HNF4A: variants seen among roughly 807,000 people sequenced by gnomAD.
The protein encoded by HNF4A is hepatocyte nuclear factor 4-alpha.
HNF4A carries 15 observed loss-of-function variants against 52.4 expected under a neutral mutation model. The ratio of observed to expected loss-of-function variants is 0.29; its 90% confidence interval spans 0.19 to 0.44. HNF4A has a LOEUF of 0.44. Among genes scored for constraint, HNF4A ranks in the 20% least tolerant of loss-of-function variants. The probability of loss-of-function intolerance (pLI) is 1.00; values close to 1 mark genes in which losing one functional copy is unlikely to be tolerated. For synonymous variants in HNF4A, 280 were observed against 264.4 expected, an observed-to-expected ratio of 1.06 and a Z score of -0.57; for missense variants, 479 against 647.2, an observed-to-expected ratio of 0.74 and a Z score of 2.82.
In HNF4A at chr20:44,417,838, G is replaced by A. The variant is rs139309629; in HGVS notation, c.649-587G>A. Among the ~76,000 whole-genome samples, 544 of 151,996 alleles carry A rather than the reference G, an allele frequency of 3.6e-3. 3 individuals carry two copies. Among genetic ancestry groups the A allele is most frequent in the East Asian group, 0.018 (91 of 5,156 alleles). On this transcript the variant is annotated intron_variant, in intron 5 of 9. Coordinates refer to ENST00000316099, the MANE Select transcript of HNF4A (RefSeq NM_000457.6). ...AATAAAATTAGCCAGGCATGGTGGT[G>A]CACGCCTGTAGTCTCAGCTACTCTG...
intron 7 of HNF4A, among the ~76,000 whole-genome samples, chr20:44,421,044 T>A (rs979376463): frequency 6.6e-6 from 1 of 152,174 alleles, no homozygotes; most frequent in Non-Finnish European, 1.5e-5. Context: ...TGGCAGAGGA[T>A]TTTGCTTTTC....
chr20:44,361,411 A>G (rs373985600), intron 1 of HNF4A, among the ~76,000 whole-genome samples: 1 of 152,222 alleles, frequency 6.6e-6, no homozygotes, highest in East Asian at 1.9e-4. Context: ...GTATTCATTA[A>G]TTCATTGTTC....
Position 44,407,491 on chromosome 20 carries a change from C to A in HNF4A, c.385+16C>A. 1 of 1,534,032 alleles carries A rather than the reference C, an allele frequency of 6.5e-7. No individual in the cohort carries two copies. The highest frequency in any genetic ancestry group is 1.2e-5 in the South Asian group (1 of 85,544). On this transcript the variant is annotated intron_variant, in intron 3 of 9. Coordinates refer to ENST00000316099, the MANE Select transcript of HNF4A (RefSeq NM_000457.6). Reference sequence around the variant, plus strand: ...AAGAAGGAAGGTGAGCCTCGGCCCTCCCCGCCCCACCACCACTGCCCCACC... The same window carrying A: ...AAGAAGGAAGGTGAGCCTCGGCCCTACCCGCCCCACCACCACTGCCCCACC...
At chr20:44,381,142 T>A (rs750964869) in intron 1 of HNF4A, among the ~76,000 whole-genome samples, 3 of 152,224 alleles carry the variant, frequency 2.0e-5, no homozygotes, top group Non-Finnish European at 4.4e-5. Context: ...TACTCACTAC[T>A]TAATAAAGCA....
intron 6 of HNF4A, among the ~76,000 whole-genome samples, chr20:44,419,223 C>T (rs1360180604): frequency 6.6e-6 from 1 of 152,220 alleles, no homozygotes; most frequent in Non-Finnish European, 1.5e-5. Flanking sequence ...AGGGACTGTG[C>T]TCACTGCTTT....
intron 5 of HNF4A, among the ~76,000 whole-genome samples, chr20:44,415,668 T>A (rs2063653636): frequency 6.6e-6 from 1 of 152,186 alleles, no homozygotes; most frequent in Non-Finnish European, 1.5e-5. Flanking sequence ...TTCTGAGAAG[T>A]CTCGTCCAGG....
intron 1 of HNF4A, among the ~76,000 whole-genome samples, chr20:44,387,472 C>T (rs1696702602): frequency 6.6e-6 from 1 of 150,772 alleles, no homozygotes; most frequent in South Asian, 2.1e-4. Context: ...GCGTGCATGG[C>T]CTCACAGTGT....
rs771156648 is a variant in HNF4A, at chr20:44,414,642, G to C, written c.628G>C (p.Glu210Gln). 11 of 1,610,624 alleles carry C rather than the reference G, an allele frequency of 6.8e-6. No homozygotes were observed. The highest frequency in any genetic ancestry group is 9.3e-6 in the Non-Finnish European group (11 of 1,178,398). Residue 210 changes from glutamate to glutamine, a missense_variant, in exon 5 of 10, where the codon GAG becomes CAG. By Grantham distance (29) the Glu-to-Gln change is conservative. This residue lies in a region of HNF4A where 389 missense variants were observed against 525.1 expected (regional missense o/e 0.74). Transcript: ENST00000316099. Reference sequence around the variant, plus strand: ...GGCCAAGTACATCCCAGCTTTCTGCGAGCTCCCCCTGGACGACCAGGTGAG... The same window carrying C: ...GGCCAAGTACATCCCAGCTTTCTGCCAGCTCCCCCTGGACGACCAGGTGAG...
At chr20:44,392,165 T>C (rs2063308986) in intron 1 of HNF4A, 4 of 152,174 alleles carry the variant, frequency 2.6e-5, no homozygotes, top group Non-Finnish European at 5.9e-5. Flanking sequence ...ACAATAATAG[T>C]CTTGGTAGCA....
At chr20:44,387,589 C>A (rs1351322525) in intron 1 of HNF4A, among the ~76,000 whole-genome samples, 1 of 144,104 alleles carries the variant, frequency 6.9e-6, no homozygotes, top group East Asian at 2.1e-4. Flanking sequence ...ACCCTTGGCC[C>A]CTGAGTGAAG....
chr20:44,428,981 T>C (rs1018071400), intron 9 of HNF4A, among the ~76,000 whole-genome samples: 2 of 152,228 alleles, frequency 1.3e-5, no homozygotes, highest in Non-Finnish European at 2.9e-5. Flanking sequence ...GATAAGATGA[T>C]ATTTTACTGA....
In HNF4A at chr20:44,423,930, T is replaced by C. The variant is rs2273618; in HGVS notation, c.893-88T>C. 0.59 allele frequency: 757,260 copies of C among 1,280,586 alleles called. 226,860 individuals are homozygous for C. The highest frequency in any genetic ancestry group is 0.69 in the Middle Eastern group (2,961 of 4,298). The allele number at this position is 1,280,586 out of a possible 1,614,324, so 79.3% of individuals were successfully genotyped here. A position where few individuals can be genotyped will look rare whatever the true frequency, so the allele number is the denominator to read the frequency against. ...ACACTGCTGAAGACTCCTTGTGTGA[T>C]ACAAGTCAGGGGACATCTGGGTCTT... is the stretch of plus-strand genomic sequence containing the variant. On this transcript the variant is annotated intron_variant, in intron 7 of 9. Coordinates refer to ENST00000316099, the MANE Select transcript of HNF4A (RefSeq NM_000457.6).
At chr20:44,393,012 C>G (rs1181383249) in intron 1 of HNF4A, among the ~76,000 whole-genome samples, 1 of 152,204 alleles carries the variant, frequency 6.6e-6, no homozygotes, top group African/African-American at 2.4e-5. Context: ...TCAGGACTTC[C>G]AAACACTTCA....
chr20:44,422,148 C>G (rs184760027), intron 7 of HNF4A, among the ~76,000 whole-genome samples: 6 of 152,116 alleles, frequency 3.9e-5, no homozygotes, highest in Non-Finnish European at 7.3e-5. Context: ...CCCAATTTCT[C>G]TCTCTCAAGC....
At chr20:44,359,939 G>A (rs770278818) in intron 1 of HNF4A, among the ~76,000 whole-genome samples, 2 of 152,144 alleles carry the variant, frequency 1.3e-5, no homozygotes, top group Non-Finnish European at 2.9e-5. Context: ...TGCTAAACAT[G>A]CATATCTGTG....
intron 1 of HNF4A, among the ~76,000 whole-genome samples, chr20:44,364,757 C>T (rs1338187744): frequency 6.6e-6 from 1 of 152,088 alleles, no homozygotes; most frequent in South Asian, 2.1e-4. Context: ...TGTGAGCCAC[C>T]GTGCCCAGCC....
At chr20:44,428,261 G>A in intron 8 of HNF4A, 74 bp from the exon 9 acceptor site, 2 of 1,514,682 alleles carry the variant, frequency 1.3e-6, no homozygotes, top group South Asian at 1.1e-5. Context: ...GGCCACGCCT[G>A]AGGAAGATGG....
At chr20:44,419,695 TCCTC>T (rs2063716845) in intron 6 of HNF4A, 22 bp from the exon 7 acceptor site, 74 of 1,608,438 alleles carry the variant, frequency 4.6e-5, no homozygotes, top group Non-Finnish European at 5.5e-5. Context: ...TGACTTCCCA[TCCTC>T]CCTCCCTCCC....
intron 8 of HNF4A, 113 bp downstream of exon 8, chr20:44,424,367 G>T: frequency 6.5e-7 from 1 of 1,532,572 alleles, no homozygotes. Flanking sequence ...GCCGCTTTGG[G>T]CAAGTTGCTT....
Sources: allele counts gnomAD v4.1 joint callset (sites outside exome capture counted in the v4.1 genomes callset), GRCh38; gene constraint gnomAD v4.1.1; regional missense constraint gnomAD v4.1.1; transcripts MANE v1.5; gene names NCBI Gene and HGNC (gene_info 2026-07-23, HGNC 2026-07-21).